Variants in CFAP299 observed in about 807,000 individuals in gnomAD.
CFAP299 encodes the protein cilia and flagella associated protein 299.
A neutral mutation model predicts 27.0 loss-of-function variants in CFAP299; 21 were observed. The observed-to-expected ratio is 0.78, with a 90% CI of 0.55 to 1.12. The LOEUF is 1.12. Among genes scored for constraint, CFAP299 ranks in the 50% most tolerant of loss-of-function variants. The pLI, the probability that CFAP299 is intolerant of heterozygous loss-of-function variation, is 0.00. For synonymous variants in CFAP299, 104 were observed against 98.1 expected, an observed-to-expected ratio of 1.06 and a Z score of -0.36; for missense variants, 310 against 276.6, an observed-to-expected ratio of 1.12 and a Z score of -0.86.
At chr4:80,670,433 G>A (rs1029244358) in intron 3 of CFAP299, among the ~76,000 whole-genome samples, 1 of 152,134 alleles carries the variant, frequency 6.6e-6, no homozygotes, top group Non-Finnish European at 1.5e-5. Flanking sequence ...ATTGTGAATA[G>A]TGCCACAGTA....
intron 2 of CFAP299, among the ~76,000 whole-genome samples, chr4:80,495,116 A>G (rs1185433238): frequency 6.6e-6 from 1 of 152,270 alleles, no homozygotes; most frequent in Non-Finnish European, 1.5e-5. Flanking sequence ...TTGTTAAGGC[A>G]TATATAGACA....
At chr4:80,455,785 C>T (rs1313633739) in intron 2 of CFAP299, among the ~76,000 whole-genome samples, 2 of 152,044 alleles carry the variant, frequency 1.3e-5, no homozygotes, top group Non-Finnish European at 2.9e-5. Flanking sequence ...CAATGACTCA[C>T]ATGTTAATAA....
intron 2 of CFAP299, among the ~76,000 whole-genome samples, chr4:80,500,518 A>C (rs894966115): frequency 2.0e-5 from 3 of 152,136 alleles, no homozygotes; most frequent in African/African-American, 7.2e-5. Flanking sequence ...TCAAATTTTA[A>C]ATTGCAATAA....
chr4:80,835,916 A>G (rs1730537527), intron 3 of CFAP299, among the ~76,000 whole-genome samples: 1 of 152,200 alleles, frequency 6.6e-6, no homozygotes, highest in Non-Finnish European at 1.5e-5. Flanking sequence ...TTTTCTGACA[A>G]AACTTTTTAG....
chr4:80,717,872 T>C (rs1036224564), intron 3 of CFAP299, among the ~76,000 whole-genome samples: 3 of 152,138 alleles, frequency 2.0e-5, no homozygotes, highest in Non-Finnish European at 4.4e-5. Context: ...TTGAAACATT[T>C]GACTTTCCCC....
chr4:80,854,810 GAAAAAAAA>G (rs58533748), intron 3 of CFAP299, among the ~76,000 whole-genome samples: 4 of 43,382 alleles, frequency 9.2e-5, no homozygotes, highest in Admixed American at 6.5e-4. Flanking sequence ...CTGTTGCTAT[GAAAAAAAA>G]AAAAAAAAAA....
At chr4:80,958,260 A>G (rs914297748) in intron 5 of CFAP299, among the ~76,000 whole-genome samples, 2 of 152,192 alleles carry the variant, frequency 1.3e-5, no homozygotes, top group African/African-American at 4.8e-5. Context: ...TACTACCTCC[A>G]TAAGTCAAGT....
intron 3 of CFAP299, among the ~76,000 whole-genome samples, chr4:80,725,576 C>T (rs949539087): frequency 5.3e-5 from 8 of 152,078 alleles, no homozygotes; most frequent in Non-Finnish European, 1.0e-4. Context: ...AGGCAACTAC[C>T]CCTGGAAAAG....
intron 2 of CFAP299, among the ~76,000 whole-genome samples, chr4:80,415,971 A>G (rs1257509375): frequency 1.3e-5 from 2 of 152,248 alleles, no homozygotes; most frequent in Admixed American, 6.5e-5. Context: ...AGAACTGAGC[A>G]TTAGAGCAGG....
chr4:80,357,522 T>G (rs775855957), intron 1 of CFAP299, among the ~76,000 whole-genome samples: 2 of 152,190 alleles, frequency 1.3e-5, no homozygotes, highest in African/African-American at 4.8e-5. Context: ...GAACTCATTA[T>G]TGGTCTGTTC....
chr4:80,373,953 T>A (rs2110012193), intron 2 of CFAP299, among the ~76,000 whole-genome samples: 1 of 152,238 alleles, frequency 6.6e-6, no homozygotes, highest in South Asian at 2.1e-4. Context: ...TTCCGGTGAG[T>A]TTTCTGGTCT....
At chr4:80,435,559 C>G (rs1728026480) in intron 2 of CFAP299, among the ~76,000 whole-genome samples, 1 of 152,182 alleles carries the variant, frequency 6.6e-6, no homozygotes, top group Non-Finnish European at 1.5e-5. Context: ...CAGCAAGAAG[C>G]AGGCTACAAA....
chr4:80,951,284 G>A (rs1331071649), intron 5 of CFAP299, among the ~76,000 whole-genome samples: 1 of 152,092 alleles, frequency 6.6e-6, no homozygotes, highest in African/African-American at 2.4e-5. Flanking sequence ...ACAAAAAACA[G>A]TATTATAGAA....
In CFAP299 at chr4:80,525,425, C is replaced by T. The variant is rs146018825; in HGVS notation, c.243-57668C>T. 5.0e-4 allele frequency among the ~76,000 whole-genome samples: 76 copies of T among 152,262 alleles called. 2 individuals are homozygous for T. Among genetic ancestry groups the T allele is most frequent in the South Asian group, 6.2e-4 (3 of 4,824 alleles). On this transcript the variant is annotated intron_variant, in intron 2 of 5. Transcript: ENST00000358105. The stretch of plus-strand genomic sequence containing the variant: ...TTATTATGAACTTATCCCAACCTAC[C>T]ATTATTTCTTACTTCAACAATAGAA...
intron 4 of CFAP299, among the ~76,000 whole-genome samples, chr4:80,891,842 A>G (rs1436481426): frequency 2.0e-5 from 3 of 147,086 alleles, no homozygotes; most frequent in South Asian, 4.2e-4. Context: ...AAAAAAAAAA[A>G]AAAAAAAGAA....
At chr4:80,351,572 A>G (rs1723016338) in intron 1 of CFAP299, among the ~76,000 whole-genome samples, 1 of 152,010 alleles carries the variant, frequency 6.6e-6, no homozygotes, top group Non-Finnish European at 1.5e-5. Context: ...AAATGGGACT[A>G]ATAAGAAAGA....
chr4:80,953,860 G>T (rs933743476), intron 5 of CFAP299, among the ~76,000 whole-genome samples: 6 of 152,008 alleles, frequency 3.9e-5, no homozygotes, highest in Admixed American at 6.6e-5. Context: ...TGAAAAGAAA[G>T]GTACATATCC....
chr4:80,938,228 G>C (rs895935698), intron 4 of CFAP299, among the ~76,000 whole-genome samples: 1 of 152,076 alleles, frequency 6.6e-6, no homozygotes, highest in South Asian at 2.1e-4. Context: ...CCATATACTG[G>C]CCCCAAAACG....
At chr4:80,334,645 C>T (rs959534614), upstream of CFAP299, among the ~76,000 whole-genome samples, 6 of 152,012 alleles carry the variant, frequency 3.9e-5, no homozygotes, top group Non-Finnish European at 7.4e-5. Context: ...AAATTGCATT[C>T]AAAAATAAGG....
Sources: allele counts gnomAD v4.1 joint callset (sites outside exome capture counted in the v4.1 genomes callset), GRCh38; gene constraint gnomAD v4.1.1; transcripts MANE v1.5; gene names NCBI Gene and HGNC (gene_info 2026-07-23, HGNC 2026-07-21).